Variants in ADORA2B observed in about 807,000 individuals in gnomAD.
ADORA2B encodes the protein adenosine receptor A2b.
Under a neutral mutation model 20.8 loss-of-function variants are expected in ADORA2B, and 18 were observed. The observed-to-expected ratio is 0.87, with a 90% CI of 0.60 to 1.29. The LOEUF is 1.29. Ranked by LOEUF, ADORA2B falls within the 50% of genes most tolerant of loss-of-function variation. The pLI is 0.00. For synonymous variants in ADORA2B, 179 were observed against 178.3 expected (o/e 1.00, Z -0.03); for missense variants, 441 against 422.7 (o/e 1.04, Z -0.38).
rs1361878207 is a variant in ADORA2B at position 15,974,804 on chromosome 17, G to C, written c.461G>C (p.Cys154Ser). 1 of 1,614,056 alleles carries C rather than the reference G, an allele frequency of 6.2e-7. No individual in the cohort carries two copies. Among genetic ancestry groups the C allele is most frequent in the East Asian group, 2.2e-5 (1 of 44,874 alleles). ...WNSKDSATNN[C>S]TEPWDGTTNE... Reference sequence around the variant, plus strand: ...AGTAAAGACAGTGCCACCAACAACTGCACAGAACCCTGGGATGGAACCACG... The same window carrying C: ...AGTAAAGACAGTGCCACCAACAACTCCACAGAACCCTGGGATGGAACCACG... Residue 154 changes from cysteine (C) to serine (S), a missense_variant, in exon 2 of 2, where the codon TGC becomes TCC. By Grantham distance (112) the Cys-to-Ser change is moderately radical. Coordinates refer to ENST00000304222, the MANE Select transcript of ADORA2B (RefSeq NM_000676.4).
At chr17:15,941,728 CAAAAA>C (rs750541311), upstream of ADORA2B, among the ~76,000 whole-genome samples, 2 of 87,328 alleles carry the variant, frequency 2.3e-5, no homozygotes, top group Non-Finnish European at 2.4e-5. Flanking sequence ...ACTCTTGTTT[CAAAAA>C]AAAAAAAAAA....
chr17:15,940,428 G>A (rs1010566149), upstream of ADORA2B, among the ~76,000 whole-genome samples: 1 of 152,222 alleles, frequency 6.6e-6, no homozygotes, highest in Non-Finnish European at 1.5e-5. Context: ...GAACGTTGAG[G>A]TACAGTAAGA....
the ADORA2B span, among the ~76,000 whole-genome samples, chr17:15,916,800 G>T: frequency 6.6e-6 from 1 of 152,222 alleles, no homozygotes; most frequent in East Asian, 1.9e-4. Flanking sequence ...CTTAGAAGGG[G>T]TTGTGGCACC....
the ADORA2B span, among the ~76,000 whole-genome samples, chr17:15,866,148 T>C: frequency 6.6e-6 from 1 of 152,196 alleles, no homozygotes; most frequent in African/African-American, 2.4e-5. Flanking sequence ...GAAACACATA[T>C]GTGCTTGTTC....
chr17:15,914,413 C>T, the ADORA2B span, among the ~76,000 whole-genome samples: 1 of 152,134 alleles, frequency 6.6e-6, no homozygotes, highest in Admixed American at 6.6e-5. Flanking sequence ...CTTTGTTGCC[C>T]AGGCTAGCCT....
the ADORA2B span, among the ~76,000 whole-genome samples, chr17:15,858,373 A>G: frequency 6.6e-6 from 1 of 152,126 alleles, no homozygotes; most frequent in Non-Finnish European, 1.5e-5. Flanking sequence ...ATCTTTTCAT[A>G]TACTTGTTGG....
At chr17:15,866,909 C>A in the ADORA2B span, among the ~76,000 whole-genome samples, 1 of 152,086 alleles carries the variant, frequency 6.6e-6, no homozygotes, top group Admixed American at 6.5e-5. Flanking sequence ...CTCAGCCTGC[C>A]GAGTGCCTGC....
the ADORA2B span, among the ~76,000 whole-genome samples, chr17:15,910,555 TCCCAAAGTGC>T: frequency 6.6e-6 from 1 of 152,302 alleles, no homozygotes; most frequent in East Asian, 1.9e-4. Context: ...CGCCTCGGCC[TCCCAAAGTGC>T]TGGGATTACA....
At chr17:15,940,121 G>A in the ADORA2B span, among the ~76,000 whole-genome samples, 1 of 152,204 alleles carries the variant, frequency 6.6e-6, no homozygotes, top group Non-Finnish European at 1.5e-5. Flanking sequence ...TGCAAACATT[G>A]TTCAAGAACC....
the ADORA2B span, among the ~76,000 whole-genome samples, chr17:15,865,933 G>C: frequency 2.0e-5 from 3 of 149,496 alleles, no homozygotes; most frequent in South Asian, 2.1e-4. Flanking sequence ...AGGGAGGGGA[G>C]CTTTTTTTTA....
the ADORA2B span, among the ~76,000 whole-genome samples, chr17:15,930,227 T>C: frequency 2.0e-5 from 3 of 151,952 alleles, no homozygotes; most frequent in Non-Finnish European, 4.4e-5. Flanking sequence ...TAAATTTTTA[T>C]ATATTTTTTG....
rs1477923218 is a variant in ADORA2B, at chr17:15,975,004, C to T, written c.661C>T (p.His221Tyr). The T allele has an allele frequency of 6.2e-7, 1 of 1,614,156 alleles. No individual in the cohort carries two copies. The highest frequency in any genetic ancestry group is 2.2e-5 in the East Asian group (1 of 44,880). Residue 221 changes from histidine (H) to tyrosine (Y), a missense_variant, in exon 2 of 2, where the codon CAC (histidine) becomes TAC (tyrosine). By Grantham distance (83) the His-to-Tyr change is moderately conservative. Transcript: ENST00000304222. Reference sequence around the variant, plus strand: ...GCTTCAGCGCACTGAGCTGATGGACCACTCGAGGACCACCCTCCAGCGGGA... The same window carrying T: ...GCTTCAGCGCACTGAGCTGATGGACTACTCGAGGACCACCCTCCAGCGGGA... ...RQLQRTELMD[H>Y]SRTTLQREIH...
intron 1 of ADORA2B, among the ~76,000 whole-genome samples, chr17:15,971,701 C>T (rs1241238422): frequency 1.2e-4 from 17 of 142,164 alleles, no homozygotes; most frequent in African/African-American, 3.4e-4. Flanking sequence ...GTAATGATCT[C>T]GGCTCACTGC....
At chr17:15,872,135 G>A in the ADORA2B span, among the ~76,000 whole-genome samples, 11 of 152,194 alleles carry the variant, frequency 7.2e-5, no homozygotes, top group African/African-American at 2.4e-4. Flanking sequence ...GGGGAATAGA[G>A]AGTGGGGTGG....
the ADORA2B span, among the ~76,000 whole-genome samples, chr17:15,907,562 C>G: frequency 6.6e-6 from 1 of 152,180 alleles, no homozygotes; most frequent in Non-Finnish European, 1.5e-5. Context: ...CCCTCCCTTT[C>G]TGGGCTGGAC....
At chr17:15,877,741 C>G in the ADORA2B span, among the ~76,000 whole-genome samples, 1 of 152,028 alleles carries the variant, frequency 6.6e-6, no homozygotes, top group Non-Finnish European at 1.5e-5. Context: ...GCTTTGGCTG[C>G]TCTGTGAACA....
chr17:15,942,988 G>A (rs1014940355), upstream of ADORA2B, among the ~76,000 whole-genome samples: 9 of 152,232 alleles, frequency 5.9e-5, no homozygotes, highest in Admixed American at 5.9e-4. Context: ...CTCCAAGGAA[G>A]TGCTATTGGA....
chr17:15,936,392 C>T, the ADORA2B span, among the ~76,000 whole-genome samples: 3 of 152,052 alleles, frequency 2.0e-5, no homozygotes, highest in Non-Finnish European at 4.4e-5. Context: ...AATCTTGTCT[C>T]ACTGCAACCT....
chr17:15,859,932 CAAAG>C, the ADORA2B span, among the ~76,000 whole-genome samples: 1 of 152,144 alleles, frequency 6.6e-6, no homozygotes, highest in Non-Finnish European at 1.5e-5. Flanking sequence ...TTTCTGCCTC[CAAAG>C]AAAGAAGTAG....
Sources: gnomAD v4.1 joint callset for allele counts (sites outside exome capture counted in the v4.1 genomes callset) on GRCh38, gnomAD v4.1.1 for gene constraint, MANE v1.5 for transcripts, NCBI Gene and HGNC (gene_info 2026-07-23, HGNC 2026-07-21) for gene names.